The following OXSR1 variants were observed in gnomAD, a reference collection of about 807,000 sequenced individuals.
The protein encoded by OXSR1 is oxidative stress responsive kinase 1, also known as serine/threonine-protein kinase OSR1.
A neutral mutation model predicts 79.8 loss-of-function variants in OXSR1; 24 were observed. That is an observed-to-expected ratio of 0.30 (90% CI 0.22 to 0.42). The LOEUF is 0.42. Ranked by LOEUF, OXSR1 falls within the 10% of genes least tolerant of loss-of-function variation. The probability of loss-of-function intolerance (pLI) is 1.00; values close to 1 mark genes in which losing one functional copy is unlikely to be tolerated. For missense variants in OXSR1, 430 were observed against 618.4 expected, an observed-to-expected ratio of 0.70 and a Z score of 3.23; for synonymous variants, 226 against 209.2, an observed-to-expected ratio of 1.08 and a Z score of -0.69.
intron 1 of OXSR1, among the ~76,000 whole-genome samples, chr3:38,169,732 C>A (rs950826789): frequency 1.1e-4 from 15 of 142,202 alleles, no homozygotes; most frequent in African/African-American, 3.9e-4. Context: ...TTTTTTTTTT[C>A]TTCTCATTTT....
upstream of OXSR1, among the ~76,000 whole-genome samples, chr3:38,164,476 A>C (rs1344046466): frequency 6.6e-6 from 1 of 152,184 alleles, no homozygotes; most frequent in Non-Finnish European, 1.5e-5. Flanking sequence ...CTGCCGTTGG[A>C]CTGAAAGGTG....
At chr3:38,166,721 C>T (rs1701468945) in intron 1 of OXSR1, among the ~76,000 whole-genome samples, 1 of 139,374 alleles carries the variant, frequency 7.2e-6, no homozygotes, top group Non-Finnish European at 1.5e-5. Context: ...ACCCGGGAGG[C>T]GGAGCTTGCA....
At chr3:38,183,167 T>C in intron 2 of OXSR1, 52 bp downstream of exon 2, 1 of 853,050 alleles carries the variant, frequency 1.2e-6, no homozygotes, top group Non-Finnish European at 1.8e-6. Flanking sequence ...TATATTCACA[T>C]TACAATGGGA....
intron 1 of OXSR1, among the ~76,000 whole-genome samples, chr3:38,170,922 A>G (rs1203201754): frequency 1.5e-4 from 23 of 152,112 alleles, no homozygotes; most frequent in Admixed American, 1.5e-3. Flanking sequence ...GACTACAGGC[A>G]TGTGCCACCA....
At chr3:38,245,412 C>T (rs1559528396) in intron 12 of OXSR1, among the ~76,000 whole-genome samples, 1 of 152,118 alleles carries the variant, frequency 6.6e-6, no homozygotes, top group Non-Finnish European at 1.5e-5. Flanking sequence ...TAAAGCATCA[C>T]ATTCACTTTT....
chr3:38,174,963 ATTT>A (rs1449010352), intron 1 of OXSR1, among the ~76,000 whole-genome samples: 1 of 152,274 alleles, frequency 6.6e-6, no homozygotes. Flanking sequence ...GAATAGCATG[ATTT>A]TTATGATGAT....
At chr3:38,200,045 G>T (rs1702135118) in intron 4 of OXSR1, among the ~76,000 whole-genome samples, 1 of 152,182 alleles carries the variant, frequency 6.6e-6, no homozygotes, top group South Asian at 2.1e-4. Context: ...TGCCAGCTGT[G>T]CTGACTGGTG....
intron 11 of OXSR1, 25 bp downstream of exon 11, chr3:38,236,986 T>C: frequency 6.3e-7 from 1 of 1,596,262 alleles, no homozygotes; most frequent in South Asian, 1.1e-5. Flanking sequence ...ACTGTGTACT[T>C]TAGCTAGAAC....
intron 4 of OXSR1, among the ~76,000 whole-genome samples, chr3:38,202,980 G>T (rs2125822738): frequency 6.6e-6 from 1 of 152,272 alleles, no homozygotes; most frequent in African/African-American, 2.4e-5. Context: ...TAGAAGGCTG[G>T]ATATTATCCA....
chr3:38,207,947 CCTTCCTTCCTTCCTTT>C (rs1397469124), intron 4 of OXSR1, among the ~76,000 whole-genome samples: 1 of 133,462 alleles, frequency 7.5e-6, no homozygotes, highest in Non-Finnish European at 1.6e-5. Context: ...TTCCTTCCTT[CCTTCCTTCCTTCCTTT>C]CTTCCTTCCA....
intron 1 of OXSR1, among the ~76,000 whole-genome samples, chr3:38,175,502 T>C (rs1701660435): frequency 6.6e-6 from 1 of 152,188 alleles, no homozygotes; most frequent in East Asian, 1.9e-4. Flanking sequence ...GGTTTTACTG[T>C]GTTGGCCAGG....
At chr3:38,209,394 T>A (rs1050953038) in intron 4 of OXSR1, among the ~76,000 whole-genome samples, 9 of 151,824 alleles carry the variant, frequency 5.9e-5, no homozygotes, top group African/African-American at 9.7e-5. Flanking sequence ...TTTTTTTTTT[T>A]ATTTTTATAG....
intron 1 of OXSR1, among the ~76,000 whole-genome samples, chr3:38,166,417 G>C (rs951469401): frequency 4.6e-5 from 7 of 152,118 alleles, no homozygotes; most frequent in Non-Finnish European, 7.4e-5. Context: ...CAGGAACCGC[G>C]CTGAGCAACC....
intron 4 of OXSR1, among the ~76,000 whole-genome samples, chr3:38,201,277 T>C (rs1301138414): frequency 6.6e-6 from 1 of 152,126 alleles, no homozygotes; most frequent in African/African-American, 2.4e-5. Flanking sequence ...TATTAAAAAT[T>C]ACTCTTTTGG....
intron 4 of OXSR1, among the ~76,000 whole-genome samples, chr3:38,204,252 C>A (rs1203858724): frequency 6.6e-6 from 1 of 152,188 alleles, no homozygotes; most frequent in African/African-American, 2.4e-5. Context: ...TCCTCTGGCC[C>A]AGGGCACGTC....
intron 10 of OXSR1, among the ~76,000 whole-genome samples, chr3:38,230,849 A>G (rs1434720678): frequency 6.6e-6 from 1 of 152,216 alleles, no homozygotes; most frequent in East Asian, 1.9e-4. Context: ...TTTGGTCATG[A>G]TGTGAGCATA....
At chr3:38,230,319 T>C (rs1006984963) in intron 9 of OXSR1, 46 bp from the exon 10 acceptor site, 1 of 1,226,832 alleles carries the variant, frequency 8.2e-7, no homozygotes, top group South Asian at 1.3e-5. Flanking sequence ...TTTTTTTTGG[T>C]ACCTTAAAAA....
In OXSR1 at chr3:38,165,739, C is replaced by T. The variant is rs1701433404; in HGVS notation, c.-138C>T. On this transcript the variant is annotated 5_prime_UTR_variant, in exon 1 of 18. Coordinates refer to ENST00000311806, the MANE Select transcript of OXSR1 (RefSeq NM_005109.3). Reference sequence around the variant, plus strand: ...CGGTGACCCCGCGCCCCGGCGCCGTCCGACCCGTGGCTGTTCCGAGACGAT... The same window carrying T: ...CGGTGACCCCGCGCCCCGGCGCCGTTCGACCCGTGGCTGTTCCGAGACGAT... 1 of 735,988 alleles carries T rather than the reference C, an allele frequency of 1.4e-6. No individual in the cohort carries two copies. Among genetic ancestry groups the T allele is most frequent in the African/African-American group, 1.9e-5 (1 of 53,814 alleles). 45.6% of individuals were successfully genotyped at this position (735,988 alleles called of 1,614,324 possible).
At chr3:38,198,939 C>CT in intron 4 of OXSR1, 76 bp downstream of exon 4, 1 of 1,257,002 alleles carries the variant, frequency 8.0e-7, no homozygotes, top group Non-Finnish European at 1.1e-6. Context: ...ATCGTGATCT[C>CT]TGACTGTTAT....
Sources: allele counts gnomAD v4.1 joint callset (sites outside exome capture counted in the v4.1 genomes callset), GRCh38; gene constraint gnomAD v4.1.1; transcripts MANE v1.5; gene names NCBI Gene and HGNC (gene_info 2026-07-23, HGNC 2026-07-21).